The following AMOTL1 variants were observed in gnomAD, a reference collection of about 807,000 sequenced individuals.
AMOTL1 encodes angiomotin-like protein 1.
Under a neutral mutation model 102.9 loss-of-function variants are expected in AMOTL1, and 45 were observed. The observed-to-expected ratio is 0.44, with a 90% CI of 0.34 to 0.56. The LOEUF (loss-of-function observed/expected upper bound fraction) is 0.56, where lower values mean the gene tolerates loss of function less well. Ranked by LOEUF, AMOTL1 falls within the 20% of genes least tolerant of loss-of-function variation. The pLI, the probability that AMOTL1 is intolerant of heterozygous loss-of-function variation, is 0.01. For missense variants in AMOTL1, 1,114 were observed against 1,225.6 expected, an observed-to-expected ratio of 0.91 and a Z score of 1.36; for synonymous variants, 481 against 484.7, an observed-to-expected ratio of 0.99 and a Z score of 0.10.
At chr11:94,784,766 C>T (rs1339401088) in intron 1 of AMOTL1, among the ~76,000 whole-genome samples, 2 of 151,978 alleles carry the variant, frequency 1.3e-5, no homozygotes, top group African/African-American at 4.8e-5. Context: ...TGCAAACTTC[C>T]CAAACCTGAC....
Position 94,870,834 on chromosome 11 carries a change from A to G in AMOTL1, c.*39A>G. 5 of 1,506,858 alleles carry G rather than the reference A, an allele frequency of 3.3e-6. No homozygotes were observed. The highest frequency in any genetic ancestry group is 4.5e-6 in the Non-Finnish European group (5 of 1,109,702). The allele number at this position is 1,506,858 out of a possible 1,614,324, so 93.3% of individuals were successfully genotyped here. A position where few individuals can be genotyped will look rare whatever the true frequency, so the allele number is the denominator to read the frequency against. ...GGAATTTCAGTACAGAACACTGACA[A>G]ACAAGGAAAGCGGCAGAGAAAGAAG... On this transcript the variant is annotated 3_prime_UTR_variant, in exon 13 of 13. Transcript: ENST00000433060.
intron 1 of AMOTL1, among the ~76,000 whole-genome samples, chr11:94,792,154 G>A (rs1041251806): frequency 2.0e-5 from 3 of 152,162 alleles, no homozygotes; most frequent in Non-Finnish European, 4.4e-5. Flanking sequence ...AAAAGGATGA[G>A]TTCATGTCCT....
At chr11:94,864,599 G>C (rs183224627) in intron 9 of AMOTL1, 136 bp from the exon 10 acceptor site, 152 of 1,226,124 alleles carry the variant, frequency 1.2e-4, no homozygotes, top group Middle Eastern at 2.8e-4. Context: ...GGAGGGAAAG[G>C]CTTCATGAGC....
rs572928964 is a variant in AMOTL1 at position 94,768,393 on chromosome 11, G to C, written c.-119G>C. ...GCTCTAGGACCCAGCAGCGGTTGTC[G>C]GGTTTGGGGCTGGAGGTGAAGCCCT... is the stretch of plus-strand genomic sequence containing the variant. On this transcript the variant is annotated 5_prime_UTR_variant, in exon 1 of 13. Transcript: ENST00000433060. 36 of 1,508,854 alleles carry C rather than the reference G, an allele frequency of 2.4e-5. No homozygotes were observed. The African/African-American group carries it at 2.9e-4, about 12-fold the overall frequency. The allele number at this position is 1,508,854 out of a possible 1,614,324, so 93.5% of individuals were successfully genotyped here.
chr11:94,774,263 C>T (rs1380575296), intron 1 of AMOTL1, among the ~76,000 whole-genome samples: 1 of 152,138 alleles, frequency 6.6e-6, no homozygotes, highest in Non-Finnish European at 1.5e-5. Flanking sequence ...GAGATAGAAG[C>T]TAGGATGCCC....
At chr11:94,754,176 A>G (rs1950692392) in intron 3 of AMOTL1, among the ~76,000 whole-genome samples, 1 of 152,200 alleles carries the variant, frequency 6.6e-6, no homozygotes, top group African/African-American at 2.4e-5. Context: ...TGTTGTTATT[A>G]TATGGTGACT....
intron 6 of AMOTL1, among the ~76,000 whole-genome samples, chr11:94,834,527 G>A (rs1952133703): frequency 6.6e-6 from 1 of 152,118 alleles, no homozygotes; most frequent in Non-Finnish European, 1.5e-5. Flanking sequence ...GGGAGGCGGG[G>A]CTTGCAGTGA....
intron 6 of AMOTL1, among the ~76,000 whole-genome samples, chr11:94,838,141 A>AT (rs1224459617): frequency 6.6e-6 from 1 of 152,182 alleles, no homozygotes; most frequent in Non-Finnish European, 1.5e-5. Context: ...ACAACTGTAA[A>AT]TAAGTAATTG....
intron 6 of AMOTL1, among the ~76,000 whole-genome samples, chr11:94,838,368 A>G (rs1418554010): frequency 6.6e-6 from 1 of 152,224 alleles, no homozygotes; most frequent in Admixed American, 6.5e-5. Flanking sequence ...GCTATCTACT[A>G]TCAACTCACT....
intron 8 of AMOTL1, among the ~76,000 whole-genome samples, chr11:94,858,122 G>T (rs1394296755): frequency 6.6e-6 from 1 of 152,158 alleles, no homozygotes; most frequent in East Asian, 1.9e-4. Context: ...GACAAGCATA[G>T]ATGGCAGCTT....
intron 6 of AMOTL1, among the ~76,000 whole-genome samples, chr11:94,841,100 A>C (rs1243394823): frequency 6.6e-6 from 1 of 152,072 alleles, no homozygotes; most frequent in African/African-American, 2.4e-5. Context: ...GGAGGGTCTT[A>C]CTTTGTCATA....
At position 94,865,984 on chromosome 11, in the gene AMOTL1, G is replaced by A; in HGVS notation, c.2304G>A (p.Met768Ile). The stretch of plus-strand genomic sequence containing the variant: ...CCAAAATCATAGAGAAAGATGCTAT[G>A]ATTAAGGTCCTGCAGCAGCGATCTC... Reference protein sequence around the residue: ...LHAKIIEKDAMIKVLQQRSRK... With the variant: ...LHAKIIEKDAIIKVLQQRSRK... The change falls in exon 11 of 13, where the codon ATG becomes ATA. Residue 768 changes from methionine to isoleucine, a missense_variant. By Grantham distance (10) the Met-to-Ile change is conservative. Coordinates refer to ENST00000433060, the MANE Select transcript of AMOTL1 (RefSeq NM_130847.3). The A allele has an allele frequency of 6.2e-7, 1 of 1,613,906 alleles. No homozygotes were observed.
intron 3 of AMOTL1, among the ~76,000 whole-genome samples, chr11:94,810,754 CAG>C (rs1363383300): frequency 2.7e-5 from 4 of 148,224 alleles, no homozygotes; most frequent in Non-Finnish European, 4.5e-5. Context: ...ATGGAGAAAA[CAG>C]AATTCAGTCA....
intron 1 of AMOTL1, among the ~76,000 whole-genome samples, chr11:94,721,570 A>G (rs182791568): frequency 1.6e-4 from 24 of 152,244 alleles, no homozygotes; most frequent in Admixed American, 2.0e-4. Context: ...AGGAGAGTCC[A>G]GAGTGCTCTG....
At chr11:94,718,003 T>A (rs1368721530) in intron 1 of AMOTL1, among the ~76,000 whole-genome samples, 1 of 151,914 alleles carries the variant, frequency 6.6e-6, no homozygotes, top group Non-Finnish European at 1.5e-5. Context: ...TTAATAAATA[T>A]GCCTTATAAA....
At chr11:94,820,809 G>T (rs1239678844) in intron 3 of AMOTL1, among the ~76,000 whole-genome samples, 14 of 152,098 alleles carry the variant, frequency 9.2e-5, no homozygotes, top group Non-Finnish European at 1.5e-5. Flanking sequence ...AAACAACCTA[G>T]ATCCCCTGCA....
intron 6 of AMOTL1, among the ~76,000 whole-genome samples, chr11:94,848,892 A>G (rs1321920108): frequency 6.6e-6 from 1 of 152,250 alleles, no homozygotes; most frequent in Non-Finnish European, 1.5e-5. Flanking sequence ...CGTTAAATTA[A>G]CGAATGAATA....
At position 94,800,145 on chromosome 11, in the gene AMOTL1, C is replaced by A; in HGVS notation, c.955C>A (p.Gln319Lys). Residue 319 changes from glutamine (Q) to lysine (K), a missense_variant, in exon 3 of 13, where the codon CAA (glutamine) becomes AAA (lysine). Gln to Lys is a moderately conservative substitution (Grantham distance 53). Transcript: ENST00000433060. ...PPPEYPFKTKQMMSPVSKTQE... is the reference protein window; with the variant it reads ...PPPEYPFKTKKMMSPVSKTQE... ...ACCTGAGTACCCCTTCAAGACCAAG[C>A]AAATGATGTCCCCAGTCAGCAAGAC... The A allele has an allele frequency of 6.2e-7, 1 of 1,613,930 alleles. No individual in the cohort carries two copies. Among genetic ancestry groups the A allele is most frequent in the Non-Finnish European group, 8.5e-7 (1 of 1,179,878 alleles).
At chr11:94,829,947 T>C (rs1403387648) in intron 4 of AMOTL1, 103 bp from the exon 5 acceptor site, 13 of 1,176,474 alleles carry the variant, frequency 1.1e-5, no homozygotes, top group Non-Finnish European at 1.5e-5. Flanking sequence ...AAAGACTGCA[T>C]TGAAGATACA....
Sources: gnomAD v4.1 joint callset for allele counts (sites outside exome capture counted in the v4.1 genomes callset) on GRCh38, gnomAD v4.1.1 for gene constraint, MANE v1.5 for transcripts, NCBI Gene and HGNC (gene_info 2026-07-23, HGNC 2026-07-21) for gene names.